NPTN: variants seen among roughly 807,000 people sequenced by gnomAD.
NPTN encodes neuroplastin, also known as SDR-1.
In NPTN, 5 loss-of-function variants were observed where a neutral mutation model predicts 42.7. That is an observed-to-expected ratio of 0.12 (90% CI 0.06 to 0.25). The LOEUF (loss-of-function observed/expected upper bound fraction) is 0.25, where lower values mean the gene tolerates loss of function less well. Among genes scored for constraint, NPTN ranks in the 10% least tolerant of loss-of-function variants. NPTN has a pLI of 1.00. For missense variants in NPTN, 307 were observed against 525.4 expected, an observed-to-expected ratio of 0.58 and a Z score of 4.06; for synonymous variants, 180 against 201.9, an observed-to-expected ratio of 0.89 and a Z score of 0.92.
At chr15:73,592,681 A>G (rs1378723862) in intron 2 of NPTN, among the ~76,000 whole-genome samples, 1 of 152,222 alleles carries the variant, frequency 6.6e-6, no homozygotes, top group Non-Finnish European at 1.5e-5. Context: ...CTAAAAAGCA[A>G]ACTTCCTATT....
intron 8 of NPTN, 101 bp downstream of exon 8, chr15:73,561,795 A>G (rs903821364): frequency 4.4e-6 from 4 of 903,062 alleles, no homozygotes; most frequent in Non-Finnish European, 7.1e-6. Flanking sequence ...ATGAACTAAA[A>G]TATCTTATAA....
chr15:73,585,643 C>A (rs1213583438), intron 4 of NPTN, among the ~76,000 whole-genome samples: 1 of 152,176 alleles, frequency 6.6e-6, no homozygotes, highest in Admixed American at 6.5e-5. Flanking sequence ...GACTAGAATT[C>A]TTTTACAAAT....
Position 73,633,096 on chromosome 15 carries a change from G to GCCCGGCCCGCC in NPTN, c.91+18_91+28dup, listed in dbSNP as rs764449565. The GCCCGGCCCGCC allele has an allele frequency of 1.2e-5, 12 of 1,006,680 alleles. No individual in the cohort carries two copies. The South Asian group carries it at 1.9e-4, about 16-fold the overall frequency. The allele number at this position is 1,006,680 out of a possible 1,614,324, so 62.4% of individuals were successfully genotyped here. On this transcript the variant is annotated intron_variant, in intron 1 of 8. Coordinates refer to ENST00000345330, the MANE Select transcript of NPTN (RefSeq NM_012428.4). ...CCGGCCCCGGCGCCCCTCAACCCCC[G>GCCCGGCCCGCC]CCCGGCCCGCCCCCGGCGCCCCGCT... is the stretch of plus-strand genomic sequence containing the variant.
intron 5 of NPTN, among the ~76,000 whole-genome samples, chr15:73,572,961 A>G (rs1895493661): frequency 6.6e-6 from 1 of 151,976 alleles, no homozygotes; most frequent in East Asian, 1.9e-4. Context: ...CGGTTGTTTA[A>G]AAGTGTGTAG....
intron 3 of NPTN, among the ~76,000 whole-genome samples, chr15:73,591,030 C>G (rs1896566086): frequency 6.6e-6 from 1 of 152,088 alleles, no homozygotes; most frequent in Non-Finnish European, 1.5e-5. Flanking sequence ...AGACCTGGAA[C>G]CTAGCCTTGG....
At chr15:73,564,321 G>A (rs1426295358) in intron 6 of NPTN, among the ~76,000 whole-genome samples, 1 of 152,204 alleles carries the variant, frequency 6.6e-6, no homozygotes, top group Non-Finnish European at 1.5e-5. Context: ...TGGTGCACAT[G>A]AAGCAGTTAT....
Position 73,587,700 on chromosome 15 carries a change from C to T in NPTN, c.612-82G>A, listed in dbSNP as rs1896384630. ...ACAGAAGGAGAATCAAAGGGGCAAT[C>T]AGGGATCCTGCTCTCCGAACCCTTA... On this transcript the variant is annotated intron_variant, in intron 3 of 8. Transcript: ENST00000345330. 3 of 1,017,560 alleles carry T rather than the reference C, an allele frequency of 2.9e-6. No individual in the cohort carries two copies. In the East Asian group the frequency reaches 7.3e-5, roughly 25 times the overall value. 63.0% of individuals were successfully genotyped at this position (1,017,560 alleles called of 1,614,324 possible).
At chr15:73,582,447 C>G (rs969988632) in intron 4 of NPTN, among the ~76,000 whole-genome samples, 33 of 152,180 alleles carry the variant, frequency 2.2e-4, no homozygotes, top group African/African-American at 6.0e-4. Flanking sequence ...TTTGGCTCAA[C>G]AAGCATTCTC....
chr15:73,563,323 T>G, intron 6 of NPTN, 66 bp from the exon 7 acceptor site: 1 of 1,601,694 alleles, frequency 6.2e-7, no homozygotes, highest in Non-Finnish European at 8.5e-7. Context: ...AACTGTTAGA[T>G]TCTGCATAAG....
intron 1 of NPTN, among the ~76,000 whole-genome samples, chr15:73,601,393 T>C (rs1897079028): frequency 6.6e-6 from 1 of 152,082 alleles, no homozygotes. Flanking sequence ...TACTGTGAAA[T>C]CACAATTAGC....
rs776077994 is a variant in NPTN at position 73,623,083 on chromosome 15, C to T, written c.91+10042G>A. On this transcript the variant is annotated intron_variant, in intron 1 of 8. Transcript: ENST00000345330. The stretch of plus-strand genomic sequence containing the variant: ...CAGGTTTTTAATAGCATACATTTAC[C>T]ATATAAAAGAAAAAGCTTAATTTCT... 4.9e-4 allele frequency among the ~76,000 whole-genome samples: 74 copies of T among 152,274 alleles called. No individual in the cohort carries two copies. In the Middle Eastern group the frequency reaches 0.017, roughly 35 times the overall value.
chr15:73,560,137 C>T lies in NPTN; in HGVS notation c.*926G>A, dbSNP rs1472298038. 6 of 382,074 alleles carry T rather than the reference C, an allele frequency of 1.6e-5. No individual in the cohort carries two copies. Among genetic ancestry groups the T allele is most frequent in the Admixed American group, 4.9e-5 (1 of 20,554 alleles). 23.7% of individuals were successfully genotyped at this position (382,074 alleles called of 1,614,324 possible). A position where few individuals can be genotyped will look rare whatever the true frequency, so the allele number is the denominator to read the frequency against. On this transcript the variant is annotated 3_prime_UTR_variant, in exon 9 of 9. Coordinates refer to ENST00000345330, the MANE Select transcript of NPTN (RefSeq NM_012428.4). ...CTACAATTACGCACCGCATGAGAACCGTTAGGTTATAAAATCTATCATCAA... is the reference window on the plus strand; with the variant it reads ...CTACAATTACGCACCGCATGAGAACTGTTAGGTTATAAAATCTATCATCAA...
At chr15:73,587,719 A>C in intron 3 of NPTN, 101 bp from the exon 4 acceptor site, 2 of 825,628 alleles carry the variant, frequency 2.4e-6, no homozygotes, top group East Asian at 2.6e-5. Flanking sequence ...TGCTCTCCGA[A>C]CCCTTAATGC....
chr15:73,593,245 TGTATTAAA>T lies in NPTN; in HGVS notation c.440-1116_440-1109del, dbSNP rs1356718229. ...TTTAAAGCACTTTGAAATCTATCAC[TGTATTAAA>T]GTCAAGACATTTCTATGTTTGTTGT... On this transcript the variant is annotated intron_variant, in intron 2 of 8. Transcript: ENST00000345330. 7.2e-5 allele frequency among the ~76,000 whole-genome samples: 11 copies of T among 152,342 alleles called. No individual in the cohort carries two copies. In the East Asian group the frequency reaches 2.1e-3, roughly 29 times the overall value.
intron 1 of NPTN, among the ~76,000 whole-genome samples, chr15:73,632,043 C>G (rs1898776158): frequency 6.6e-6 from 1 of 152,114 alleles, no homozygotes; most frequent in Admixed American, 6.6e-5. Flanking sequence ...TCTCAAAAAT[C>G]CACTTCCCCA....
At chr15:73,595,556 G>C (rs1047805125) in intron 2 of NPTN, among the ~76,000 whole-genome samples, 1 of 152,110 alleles carries the variant, frequency 6.6e-6, no homozygotes, top group African/African-American at 2.4e-5. Context: ...TAAGTATATA[G>C]ACTCAAGGCC....
intron 2 of NPTN, among the ~76,000 whole-genome samples, chr15:73,595,307 G>A (rs1896782753): frequency 6.6e-6 from 1 of 152,080 alleles, no homozygotes; most frequent in Non-Finnish European, 1.5e-5. Flanking sequence ...AAGGAGCAAG[G>A]GGGCAGGAGA....
Position 73,633,363 on chromosome 15 carries a change from C to G in NPTN, c.-148G>C, listed in dbSNP as rs1458399776. On this transcript the variant is annotated 5_prime_UTR_variant, in exon 1 of 9. Transcript: ENST00000345330. ...CTCGGCTCCGTCCTTCCCCGTCCTC[C>G]TCCTGCCGCCGCAGCGCCCAGGCCT... The G allele has an allele frequency of 1.9e-6, 1 of 533,822 alleles. No homozygotes were observed. The highest frequency in any genetic ancestry group is 2.0e-5 in the African/African-American group (1 of 50,482). 33.1% of individuals were successfully genotyped at this position (533,822 alleles called of 1,614,324 possible). A position where few individuals can be genotyped will look rare whatever the true frequency, so the allele number is the denominator to read the frequency against.
intron 7 of NPTN, among the ~76,000 whole-genome samples, chr15:73,562,448 C>T (rs1206095409): frequency 6.6e-6 from 1 of 152,202 alleles, no homozygotes; most frequent in East Asian, 1.9e-4. Context: ...ACTATAATTA[C>T]GATACAGGTG....
Sources: gnomAD v4.1 joint callset for allele counts (sites outside exome capture counted in the v4.1 genomes callset) on GRCh38, gnomAD v4.1.1 for gene constraint, MANE v1.5 for transcripts, NCBI Gene and HGNC (gene_info 2026-07-23, HGNC 2026-07-21) for gene names.